Variants in ZEB2 observed in about 807,000 individuals in gnomAD.
ZEB2 encodes the protein zinc finger E-box binding homeobox 2.
In ZEB2, 6 loss-of-function variants were observed where a neutral mutation model predicts 99.9. That is an observed-to-expected ratio of 0.06 (90% CI 0.03 to 0.12). The LOEUF is 0.12. Ranked by LOEUF, ZEB2 falls within the 10% of genes least tolerant of loss-of-function variation. ZEB2 has a pLI of 1.00. For synonymous variants in ZEB2, 517 were observed against 542.5 expected (o/e 0.95, Z 0.65); for missense variants, 969 against 1,502.8 (o/e 0.64, Z 5.87).
intron 2 of ZEB2, among the ~76,000 whole-genome samples, chr2:144,448,090 TAGCCAAGTCTAGGGAC>T (rs1704009076): frequency 6.6e-6 from 1 of 152,202 alleles, no homozygotes; most frequent in East Asian, 1.9e-4. Context: ...TTATAATTAT[TAGCCAAGTCTAGGGAC>T]AGTTTTTTGG....
intron 9 of ZEB2, among the ~76,000 whole-genome samples, chr2:144,391,931 C>T (rs984529102): frequency 2.6e-5 from 4 of 152,206 alleles, no homozygotes; most frequent in African/African-American, 9.6e-5. Context: ...GGACCTAACT[C>T]ATGGACTGGG....
intron 2 of ZEB2, chr2:144,450,054 C>A (rs935349070): frequency 6.6e-6 from 1 of 151,800 alleles, no homozygotes; most frequent in African/African-American, 2.4e-5. Context: ...GGTAGGTATA[C>A]CTGGAATTAA....
chr2:144,390,501 G>A (rs917735557), intron 9 of ZEB2: 1 of 234,556 alleles, frequency 4.3e-6, no homozygotes, highest in Non-Finnish European at 8.5e-6. Context: ...TGCTTTGAAA[G>A]GGGATCTTAG....
At chr2:144,444,285 T>C (rs1456993410) in intron 2 of ZEB2, among the ~76,000 whole-genome samples, 1 of 152,220 alleles carries the variant, frequency 6.6e-6, no homozygotes. Flanking sequence ...TGAGGCCCTT[T>C]AGAATACTAT....
rs70985858 is a variant in ZEB2 at position 144,483,117 on chromosome 2, GACACACACACACACAC to G, written c.73+34145_73+34160del. Reference sequence around the variant, plus strand: ...AGAGAAAAAGTCAGTGTTTAGGTAAGACACACACACACACACACACACACACACACACACACACACA... The same window carrying G: ...AGAGAAAAAGTCAGTGTTTAGGTAAGACACACACACACACACACACACACA... On this transcript the variant is annotated intron_variant, in intron 2 of 9. Coordinates refer to ENST00000627532, the MANE Select transcript of ZEB2 (RefSeq NM_014795.4). Among the ~76,000 whole-genome samples, 40 of 130,678 alleles carry G rather than the reference GACACACACACACACAC, an allele frequency of 3.1e-4. 1 individual carries two copies. Among genetic ancestry groups the G allele is most frequent in the African/African-American group, 1.1e-3 (35 of 33,094 alleles). 85.7% of individuals were successfully genotyped at this position (130,678 alleles called of 152,430 possible).
intron 6 of ZEB2, among the ~76,000 whole-genome samples, chr2:144,402,958 G>A (rs1270032498): frequency 6.6e-6 from 1 of 152,164 alleles, no homozygotes. Flanking sequence ...AGAAAATGAA[G>A]GTTATAAGGA....
chr2:144,469,887 G>A (rs1195059282), intron 2 of ZEB2, among the ~76,000 whole-genome samples: 2 of 152,122 alleles, frequency 1.3e-5, no homozygotes, highest in African/African-American at 4.8e-5. Flanking sequence ...ATTTTCAAGG[G>A]TTACAGTGTG....
At chr2:144,469,215 A>T (rs1704319219) in intron 2 of ZEB2, among the ~76,000 whole-genome samples, 1 of 152,186 alleles carries the variant, frequency 6.6e-6, no homozygotes, top group South Asian at 2.1e-4. Context: ...AAGGTTTTTT[A>T]AAAATGATTT....
intron 2 of ZEB2, among the ~76,000 whole-genome samples, chr2:144,452,103 T>A (rs542972079): frequency 5.9e-4 from 90 of 152,316 alleles, no homozygotes; most frequent in African/African-American, 2.1e-3. Flanking sequence ...TCGTACTGTA[T>A]CTTTGCTGAC....
Position 144,462,905 on chromosome 2 carries a change from A to G in ZEB2, c.74-32879T>C, listed in dbSNP as rs562134203. On this transcript the variant is annotated intron_variant, in intron 2 of 9. Transcript: ENST00000627532. Reference sequence around the variant, plus strand: ...TCCAACAGGGCCTGCCAGGACCAAGATCAGTTTATAGGAGTATTGTATTAG... The same window carrying G: ...TCCAACAGGGCCTGCCAGGACCAAGGTCAGTTTATAGGAGTATTGTATTAG... 13 of 152,290 alleles carry G rather than the reference A, an allele frequency of 8.5e-5. No homozygotes were observed. In the South Asian group the frequency reaches 2.5e-3, roughly 29 times the overall value. 9.4% of individuals were successfully genotyped at this position (152,290 alleles called of 1,614,324 possible). A position where few individuals can be genotyped will look rare whatever the true frequency, so the allele number is the denominator to read the frequency against.
chr2:144,478,331 A>T (rs1461645127), intron 2 of ZEB2, among the ~76,000 whole-genome samples: 1 of 152,260 alleles, frequency 6.6e-6, no homozygotes, highest in Non-Finnish European at 1.5e-5. Context: ...TTCAAAAACT[A>T]AAATGCAGTT....
chr2:144,426,533 T>C (rs774189325), intron 3 of ZEB2: 1 of 150,454 alleles, frequency 6.6e-6, no homozygotes, highest in Non-Finnish European at 1.5e-5. Context: ...ATAGTGGTAA[T>C]GTTCAAGATT....
At chr2:144,452,860 G>T (rs1267398014) in intron 2 of ZEB2, among the ~76,000 whole-genome samples, 2 of 152,156 alleles carry the variant, frequency 1.3e-5, no homozygotes, top group African/African-American at 4.8e-5. Context: ...TGGCTACACA[G>T]GAAACCTGGT....
chr2:144,466,916 G>A (rs1265147702), intron 2 of ZEB2, among the ~76,000 whole-genome samples: 1 of 152,156 alleles, frequency 6.6e-6, no homozygotes, highest in Non-Finnish European at 1.5e-5. Flanking sequence ...CTGACATTAT[G>A]CTGTAGGATG....
intron 2 of ZEB2, among the ~76,000 whole-genome samples, chr2:144,441,164 C>CGAGAGAGAGAGA (rs113731061): frequency 0.043 from 3,839 of 88,856 alleles, 350 homozygotes; most frequent in Non-Finnish European, 0.052. Context: ...TTTAGCTGCA[C>CGAGAGAGAGAGA]GAGAGAGAGA....
In ZEB2 at chr2:144,400,094, C is replaced by G; in HGVS notation, c.1093G>C (p.Ala365Pro). The part of the protein sequence containing the change: ...NSVSSSPTNS[A>P]ITQLRNKLEN... Reference sequence around the variant, plus strand: ...AACTTGTTTCTTAACTGGGTAATGGCTGAATTAGTAGGAGAAGAAGAAACA... The same window carrying G: ...AACTTGTTTCTTAACTGGGTAATGGGTGAATTAGTAGGAGAAGAAGAAACA... Residue 365 changes from alanine (A) to proline (P), a missense_variant, in exon 8 of 10, where the codon GCC becomes CCC. By Grantham distance (27) the Ala-to-Pro change is conservative (BLOSUM62 -1). This residue lies in a region of ZEB2 where 227 missense variants were observed against 278.2 expected (regional missense o/e 0.82). Coordinates refer to ENST00000627532, the MANE Select transcript of ZEB2 (RefSeq NM_014795.4). 1 of 1,613,904 alleles carries G rather than the reference C, an allele frequency of 6.2e-7. No homozygotes were observed. The highest frequency in any genetic ancestry group is 2.2e-5 in the East Asian group (1 of 44,880).
At chr2:144,432,157 C>T (rs1301997895) in intron 2 of ZEB2, among the ~76,000 whole-genome samples, 1 of 152,012 alleles carries the variant, frequency 6.6e-6, no homozygotes. Context: ...CTTGAGGAGT[C>T]CCAAATATCA....
At chr2:144,440,515 ATTT>A (rs201944188) in intron 2 of ZEB2, among the ~76,000 whole-genome samples, 77 of 32,742 alleles carry the variant, frequency 2.4e-3, no homozygotes, top group African/African-American at 4.0e-3. Flanking sequence ...ATATATATAT[ATTT>A]TTTTTTTTTT....
intron 2 of ZEB2, among the ~76,000 whole-genome samples, chr2:144,460,918 G>A (rs1437592013): frequency 6.6e-6 from 1 of 151,986 alleles, no homozygotes; most frequent in African/African-American, 2.4e-5. Flanking sequence ...TTTGTTTGAT[G>A]TACTGTCTTA....
Sources: gnomAD v4.1 joint callset for allele counts (sites outside exome capture counted in the v4.1 genomes callset) on GRCh38, gnomAD v4.1.1 for gene constraint, gnomAD v4.1.1 regional missense constraint, MANE v1.5 for transcripts, NCBI Gene and HGNC (gene_info 2026-07-23, HGNC 2026-07-21) for gene names.